Variants in C5orf46 observed in about 807,000 individuals in gnomAD.
C5orf46 encodes the protein chromosome 5 open reading frame 46, also known as uncharacterized protein C5orf46.
Under a neutral mutation model 8.9 loss-of-function variants are expected in C5orf46, and 9 were observed. The observed-to-expected ratio is 1.01, with a 90% CI of 0.61 to 1.76. C5orf46 has a LOEUF of 1.76. Ranked by LOEUF, C5orf46 falls within the 40% of genes most tolerant of loss-of-function variation. The probability of loss-of-function intolerance (pLI) is 0.00; values close to 1 mark genes in which losing one functional copy is unlikely to be tolerated. For missense variants in C5orf46, 98 were observed against 107.8 expected (o/e 0.91, Z 0.40); for synonymous variants, 47 against 41.4 (o/e 1.14, Z -0.52).
At chr5:147,901,221 T>C (rs1757664188) in intron 2 of C5orf46, 1 of 155,612 alleles carries the variant, frequency 6.4e-6, no homozygotes, top group Non-Finnish European at 1.4e-5. Flanking sequence ...GGCCATCTAT[T>C]ATTTTAACTT....
At chr5:147,897,518 A>G (rs1757601204) in intron 2 of C5orf46, among the ~76,000 whole-genome samples, 1 of 152,210 alleles carries the variant, frequency 6.6e-6, no homozygotes, top group Non-Finnish European at 1.5e-5. Context: ...TAAATGCTAG[A>G]AACATTATGC....
chr5:147,898,756 G>A (rs1389590723), intron 2 of C5orf46, among the ~76,000 whole-genome samples: 2 of 152,104 alleles, frequency 1.3e-5, no homozygotes, highest in African/African-American at 2.4e-5. Context: ...ATGGAACCCA[G>A]AGGGGAAAAT....
chr5:147,897,490 G>C (rs770095843), intron 2 of C5orf46, among the ~76,000 whole-genome samples: 1 of 152,122 alleles, frequency 6.6e-6, no homozygotes, highest in Non-Finnish European at 1.5e-5. Context: ...TAAAAATTTG[G>C]CTCTCCAGAG....
At chr5:147,899,443 A>G (rs758609228) in intron 2 of C5orf46, among the ~76,000 whole-genome samples, 35 of 152,280 alleles carry the variant, frequency 2.3e-4, no homozygotes, top group Non-Finnish European at 3.7e-4. Flanking sequence ...TCTTGAGCAG[A>G]TATTGCTGTG....
chr5:147,890,559 G>GT (rs1240042707), downstream of C5orf46, among the ~76,000 whole-genome samples: 11 of 152,072 alleles, frequency 7.2e-5, no homozygotes, highest in African/African-American at 2.7e-4. Context: ...GAATATAGAC[G>GT]TATTAGGGCA....
At chr5:147,893,931 C>G (rs1285492622) in intron 3 of C5orf46, among the ~76,000 whole-genome samples, 1 of 146,124 alleles carries the variant, frequency 6.8e-6, no homozygotes, top group Non-Finnish European at 1.5e-5. Flanking sequence ...TGCCTGATTT[C>G]TAAAAGAAAA....
rs1181226371 is a variant in C5orf46, at chr5:147,897,001, A to G, written c.256T>C (p.Ser86Pro). 2.0e-6 allele frequency: 3 copies of G among 1,511,594 alleles called. No homozygotes were observed. The highest frequency in any genetic ancestry group is 2.7e-5 in the African/African-American group (2 of 73,258). The allele number at this position is 1,511,594 out of a possible 1,614,324, so 93.6% of individuals were successfully genotyped here. The change falls in exon 3 of 4, where the codon TCA becomes CCA. Residue 86 changes from serine to proline, a missense_variant. Ser to Pro is a moderately conservative substitution (Grantham distance 74). Transcript: ENST00000318315. ...AAAATCACCTGAGGATGTCACTTTG[A>G]TGAATGTTTTCCTTCATTATCATCA... ...EFDDNEGKHSSK is the reference protein window; with the variant it reads ...EFDDNEGKHSPK
chr5:147,893,589 C>A (rs923232606), intron 3 of C5orf46, among the ~76,000 whole-genome samples: 2 of 151,874 alleles, frequency 1.3e-5, no homozygotes, highest in Non-Finnish European at 2.9e-5. Context: ...GTTGCCCTGG[C>A]TGGAGTGCAG....
chr5:147,887,122 A>G (rs1757431497), intron 2 of C5orf46: 1 of 152,218 alleles, frequency 6.6e-6, no homozygotes, highest in African/African-American at 2.4e-5. Flanking sequence ...GATAGGCAGT[A>G]CAACCAGACA....
In C5orf46 at chr5:147,897,305, A is replaced by G. The variant is rs192595230; in HGVS notation, c.216-264T>C. 9.0e-3 allele frequency among the ~76,000 whole-genome samples: 1,377 copies of G among 152,322 alleles called. 11 individuals carry two copies. The highest frequency in any genetic ancestry group is 0.015 in the Non-Finnish European group (998 of 68,034). On this transcript the variant is annotated intron_variant, in intron 2 of 3. Coordinates refer to ENST00000318315, the MANE Select transcript of C5orf46 (RefSeq NM_206966.3). ...TCCATAAAGTCATATATTTTGGTAT[A>G]TTTTTCCAGTAATATATCCCCAGCA...
At chr5:147,906,393 C>G in intron 1 of C5orf46, 39 bp downstream of exon 1, 2 of 1,435,438 alleles carry the variant, frequency 1.4e-6, no homozygotes, top group Non-Finnish European at 1.9e-6. Flanking sequence ...TCACTGCTAA[C>G]TACTGAACAA....
In C5orf46 at chr5:147,901,609, A is replaced by G; in HGVS notation, c.215+20T>C. 6.2e-7 allele frequency: 1 copy of G among 1,608,244 alleles called. No homozygotes were observed. The highest frequency in any genetic ancestry group is 8.5e-7 in the Non-Finnish European group (1 of 1,176,762). On this transcript the variant is annotated intron_variant, in intron 2 of 3. Transcript: ENST00000318315. Reference sequence around the variant, plus strand: ...TCAACAGAGAATTGGACAAAAAGCAACGTTTTTCTCAGTGCTTACGTGCTC... The same window carrying G: ...TCAACAGAGAATTGGACAAAAAGCAGCGTTTTTCTCAGTGCTTACGTGCTC...
At chr5:147,890,976 T>C (rs868395527), downstream of C5orf46, among the ~76,000 whole-genome samples, 14 of 152,304 alleles carry the variant, frequency 9.2e-5, no homozygotes, top group Middle Eastern at 0.01. Flanking sequence ...AAGTCAAGCA[T>C]AAATTCCCTC....
chr5:147,888,173 G>A (rs1400788757), downstream of C5orf46, among the ~76,000 whole-genome samples: 1 of 152,108 alleles, frequency 6.6e-6, no homozygotes, highest in Non-Finnish European at 1.5e-5. Context: ...TAATCACCAT[G>A]TCCTGTCAAC....
chr5:147,890,746 A>G (rs1757490803), downstream of C5orf46, among the ~76,000 whole-genome samples: 1 of 152,188 alleles, frequency 6.6e-6, no homozygotes, highest in Admixed American at 6.6e-5. Context: ...GACTATTTAA[A>G]GACTGACAAG....
chr5:147,887,353 C>T (rs1397739968), intron 2 of C5orf46: 1 of 152,112 alleles, frequency 6.6e-6, no homozygotes, highest in Admixed American at 6.6e-5. Flanking sequence ...ATGGCAACTA[C>T]CTGATGCTCC....
intron 3 of C5orf46, among the ~76,000 whole-genome samples, chr5:147,894,686 T>G (rs1242402765): frequency 6.6e-6 from 1 of 152,012 alleles, no homozygotes; most frequent in African/African-American, 2.4e-5. Context: ...AGCCAGCTAG[T>G]TATTCATTTT....
At chr5:147,903,928 T>C (rs1757710081) in intron 1 of C5orf46, among the ~76,000 whole-genome samples, 2 of 152,032 alleles carry the variant, frequency 1.3e-5, no homozygotes, top group African/African-American at 2.4e-5. Context: ...TTGTATTTTG[T>C]GTAGAGACGG....
Position 147,904,190 on chromosome 5 carries a change from G to A in C5orf46, c.70+2242C>T, listed in dbSNP as rs759507469. Among the ~76,000 whole-genome samples, 10 of 152,282 alleles carry A rather than the reference G, an allele frequency of 6.6e-5. No individual in the cohort carries two copies. The East Asian group carries it at 1.2e-3, about 18-fold the overall frequency. ...TTTGTTTTTATTGTGGGAAGGAGGC[G>A]GAAGCGGAACTCATGTGTAAGGTGC... On this transcript the variant is annotated intron_variant, in intron 1 of 3. Coordinates refer to ENST00000318315, the MANE Select transcript of C5orf46 (RefSeq NM_206966.3).
Sources: allele counts gnomAD v4.1 joint callset (sites outside exome capture counted in the v4.1 genomes callset), GRCh38; gene constraint gnomAD v4.1.1; transcripts MANE v1.5; gene names NCBI Gene and HGNC (gene_info 2026-07-23, HGNC 2026-07-21).